Variants in TNRC18 observed in about 807,000 individuals in gnomAD.
TNRC18 encodes trinucleotide repeat-containing gene 18 protein.
Under a neutral mutation model 226.7 loss-of-function variants are expected in TNRC18, and 69 were observed. The observed-to-expected ratio is 0.30, with a 90% confidence interval of 0.25 to 0.37. The LOEUF is 0.37. Ranked by LOEUF, TNRC18 falls within the 10% of genes least tolerant of loss-of-function variation. The pLI is 1.00. For synonymous variants in TNRC18, 2,449 were observed against 1,927.6 expected (o/e 1.27, Z -7.09); for missense variants, 4,754 against 4,256.6 (o/e 1.12, Z -3.25).
intron 2 of TNRC18, among the ~76,000 whole-genome samples, chr7:5,402,178 CAA>C (rs35794476): frequency 0.27 from 19,180 of 70,592 alleles, 1,457 homozygotes; most frequent in Admixed American, 0.33. Context: ...GACTCTGTCT[CAA>C]AAAAAAAAAA....
In TNRC18 at chr7:5,388,134, T is replaced by G; in HGVS notation, c.1690A>C (p.Thr564Pro). The change falls in exon 5 of 30, where the codon ACC (threonine) becomes CCC (proline). Residue 564 changes from threonine (T) to proline (P), a missense_variant. Transcript: ENST00000430969. ...PGAVLPRSAA[T>P]CGRPVADMHS... is the part of the protein sequence containing the mutation. ...ATGTCAGCGACCGGCCGGCCGCAGG[T>G]GGCCGCCGAGCGGGGCAGCACAGCC... 1 of 1,557,426 alleles carries G rather than the reference T, an allele frequency of 6.4e-7. No individual in the cohort carries two copies. The highest frequency in any genetic ancestry group is 2.4e-5 in the East Asian group (1 of 41,388).
chr7:5,342,822 G>A (rs1790814562), intron 18 of TNRC18, among the ~76,000 whole-genome samples: 1 of 152,200 alleles, frequency 6.6e-6, no homozygotes, highest in Non-Finnish European at 1.5e-5. Context: ...GCATGTTACA[G>A]AGAAATCTTT....
rs1780209681 is a variant in TNRC18 at position 5,390,495 on chromosome 7, C to T, written c.477G>A (p.Gly159=). ...PSIFDTQKGQ[G]PGGDGFYLPT... ...GGACTCCAGTCTTACCTCCTCCTGG[C>T]CCCTGACCTTTCTGGGTATCGAAAA... Residue 159 remains glycine (G), a synonymous_variant, in exon 4 of 30, where the codon GGG becomes GGA. Coordinates refer to ENST00000430969, the MANE Select transcript of TNRC18 (RefSeq NM_001080495.3). 2 of 1,613,574 alleles carry T rather than the reference C, an allele frequency of 1.2e-6. No homozygotes were observed. The highest frequency in any genetic ancestry group is 1.7e-6 in the Non-Finnish European group (2 of 1,179,852).
In TNRC18 at chr7:5,362,015, A is replaced by G. The variant is rs1793108370; in HGVS notation, c.4414T>C (p.Ser1472Pro). 1 of 1,613,344 alleles carries G rather than the reference A, an allele frequency of 6.2e-7. No homozygotes were observed. Among genetic ancestry groups the G allele is most frequent in the African/African-American group, 1.3e-5 (1 of 74,900 alleles). Residue 1472 changes from serine to proline, a missense_variant, in exon 13 of 30, where the codon TCC (serine) becomes CCC (proline). Physicochemically the swap from Ser to Pro is moderately conservative, Grantham distance 74 (BLOSUM62 -1). Transcript: ENST00000430969. Reference sequence around the variant, plus strand: ...TCCAGGGCGTCCATGTCCTCCAGGGAGGACTTCATGGCATACATCTGGGGG... The same window carrying G: ...TCCAGGGCGTCCATGTCCTCCAGGGGGGACTTCATGGCATACATCTGGGGG... ...KEERMYAMKS[S>P]LEDMDALELD...
At chr7:5,335,174 G>A (rs1467553536) in intron 18 of TNRC18, among the ~76,000 whole-genome samples, 2 of 151,540 alleles carry the variant, frequency 1.3e-5, no homozygotes, top group Non-Finnish European at 2.9e-5. Flanking sequence ...ATGGTGGCGG[G>A]TGCCTATAGT....
chr7:5,394,385 G>A lies in TNRC18; in HGVS notation c.343+55C>T. The A allele has an allele frequency of 6.9e-7, 1 of 1,454,458 alleles. No individual in the cohort carries two copies. Among genetic ancestry groups the A allele is most frequent in the South Asian group, 1.4e-5 (1 of 70,894 alleles). 90.1% of individuals were successfully genotyped at this position (1,454,458 alleles called of 1,614,324 possible). On this transcript the variant is annotated intron_variant, in intron 3 of 29. Coordinates refer to ENST00000430969, the MANE Select transcript of TNRC18 (RefSeq NM_001080495.3). The surrounding 1 kb of genome is among the most constrained non-coding windows in gnomAD (Gnocchi z 4.5). ...CAGAGGGGCACATGAAGTGGCCAGA[G>A]TGGCTGGGACGTCAGCCCAGCAGCC...
chr7:5,344,988 G>T (rs923523210), intron 18 of TNRC18, among the ~76,000 whole-genome samples: 2 of 152,188 alleles, frequency 1.3e-5, no homozygotes, highest in African/African-American at 4.8e-5. Context: ...TTGTGGGCAA[G>T]TCAAAGAGAG....
At chr7:5,396,323 G>A (rs1274188309) in intron 2 of TNRC18, among the ~76,000 whole-genome samples, 3 of 152,118 alleles carry the variant, frequency 2.0e-5, no homozygotes, top group Non-Finnish European at 1.5e-5. Flanking sequence ...ACTCCCGCCT[G>A]GGCAACAGAG....
At chr7:5,326,938 C>G (rs1366178305) in intron 19 of TNRC18, among the ~76,000 whole-genome samples, 1 of 151,502 alleles carries the variant, frequency 6.6e-6, no homozygotes, top group Non-Finnish European at 1.5e-5. Flanking sequence ...TCCTGGCTAA[C>G]ACGGTGAAAC....
intron 21 of TNRC18, among the ~76,000 whole-genome samples, chr7:5,323,234 C>T (rs1318723051): frequency 6.6e-6 from 1 of 152,136 alleles, no homozygotes; most frequent in African/African-American, 2.4e-5. Flanking sequence ...CGCCTCTGGG[C>T]TACAGACCCC....
chr7:5,339,811 C>T (rs541434695), intron 18 of TNRC18, among the ~76,000 whole-genome samples: 4 of 151,872 alleles, frequency 2.6e-5, no homozygotes, highest in Non-Finnish European at 4.4e-5. Context: ...CTCAAGTGAT[C>T]CGCCCACCTC....
At chr7:5,336,027 C>T (rs10234849) in intron 18 of TNRC18, among the ~76,000 whole-genome samples, 7,058 of 151,612 alleles carry the variant, frequency 0.047, 498 homozygotes, top group African/African-American at 0.16. Context: ...GCCAACATGG[C>T]AAAACCCCAT....
intron 18 of TNRC18, among the ~76,000 whole-genome samples, 171 bp from the exon 19 acceptor site, chr7:5,333,220 C>CACGCCTGTCCCT (rs535009171): frequency 1.3e-5 from 2 of 152,206 alleles, no homozygotes; most frequent in Admixed American, 6.5e-5. Flanking sequence ...TCATCGGGAC[C>CACGCCTGTCCCT]ACGCCTGTCC....
intron 3 of TNRC18, among the ~76,000 whole-genome samples, chr7:5,391,059 G>A (rs189570218): frequency 2.6e-5 from 4 of 152,226 alleles, no homozygotes; most frequent in East Asian, 1.9e-4. Flanking sequence ...GCTTTGGATC[G>A]AGACCATCGA....
rs1211450112 is a variant in TNRC18 at position 5,324,007 on chromosome 7, G to A, written c.6442+207C>T. 1.3e-5 allele frequency among the ~76,000 whole-genome samples: 2 copies of A among 152,170 alleles called. No homozygotes were observed. Among genetic ancestry groups the A allele is most frequent in the African/African-American group, 4.8e-5 (2 of 41,440 alleles). Reference sequence around the variant, plus strand: ...CTGCCTCCTCCCTGGTCCCAGGGCCGCTCTCTTGCCTCATCTGCAGTTGAC... The same window carrying A: ...CTGCCTCCTCCCTGGTCCCAGGGCCACTCTCTTGCCTCATCTGCAGTTGAC... On this transcript the variant is annotated intron_variant, in intron 21 of 29. Transcript: ENST00000430969. The surrounding 1 kb of genome is among the most constrained non-coding windows in gnomAD (Gnocchi z 4.8).
intron 16 of TNRC18, 77 bp downstream of exon 16, chr7:5,356,839 A>T (rs1305396016): frequency 7.7e-7 from 1 of 1,304,808 alleles, no homozygotes; most frequent in Non-Finnish European, 1.0e-6. Context: ...GCGGGGGGGG[A>T]AGGAGGACGG....
chr7:5,308,990 G>A lies in TNRC18; in HGVS notation c.8626-41C>T, dbSNP rs776545102. 2.4e-5 allele frequency: 38 copies of A among 1,571,842 alleles called. No individual in the cohort carries two copies. In the Admixed American group the frequency reaches 6.1e-4, roughly 25 times the overall value. ...AGGAGGGGCTTGGGTGAGCCCGGGGGCTGCTGCACCCGACCCCAGGCCCCA... is the reference window on the plus strand; with the variant it reads ...AGGAGGGGCTTGGGTGAGCCCGGGGACTGCTGCACCCGACCCCAGGCCCCA... On this transcript the variant is annotated intron_variant, in intron 28 of 29. Coordinates refer to ENST00000430969, the MANE Select transcript of TNRC18 (RefSeq NM_001080495.3).
intron 18 of TNRC18, among the ~76,000 whole-genome samples, chr7:5,333,550 C>A (rs71529393): frequency 0.012 from 1,838 of 152,302 alleles, 15 homozygotes; most frequent in South Asian, 0.02. Context: ...GCCACCCCAG[C>A]AGCCCTCCTC....
chr7:5,307,751 A>G lies in TNRC18; in HGVS notation c.*355T>C. 1 of 371,854 alleles carries G rather than the reference A, an allele frequency of 2.7e-6. No individual in the cohort carries two copies. Among genetic ancestry groups the G allele is most frequent in the Non-Finnish European group, 5.2e-6 (1 of 192,840 alleles). 23.0% of individuals were successfully genotyped at this position (371,854 alleles called of 1,614,324 possible). A position where few individuals can be genotyped will look rare whatever the true frequency, so the allele number is the denominator to read the frequency against. ...CCCACCGAATCCCCAGTCTGCATGG[A>G]CCTGGGGGCACCCGGGCCCCCACGC... On this transcript the variant is annotated 3_prime_UTR_variant, in exon 30 of 30. Coordinates refer to ENST00000430969, the MANE Select transcript of TNRC18 (RefSeq NM_001080495.3).
Sources: allele counts gnomAD v4.1 joint callset (sites outside exome capture counted in the v4.1 genomes callset), GRCh38; gene constraint gnomAD v4.1.1; non-coding constraint Gnocchi (gnomAD v3.1); transcripts MANE v1.5; gene names NCBI Gene and HGNC (gene_info 2026-07-23, HGNC 2026-07-21).